SOX5: variants seen among roughly 807,000 people sequenced by gnomAD.
The protein encoded by SOX5 is SRY-box transcription factor 5, also known as transcription factor SOX-5.
Under a neutral mutation model 92.0 loss-of-function variants are expected in SOX5, and 9 were observed. That is an observed-to-expected ratio of 0.10 (90% CI 0.06 to 0.17). The LOEUF (loss-of-function observed/expected upper bound fraction) is 0.17, where lower values mean the gene tolerates loss of function less well. SOX5 is among the 10% of genes least tolerant of loss of function. The pLI is 1.00. For synonymous variants in SOX5, 344 were observed against 336.3 expected (o/e 1.02, Z -0.25); for missense variants, 642 against 944.5 (o/e 0.68, Z 4.20).
At chr12:24,493,659 T>G (rs1042010786) in intron 1 of SOX5, among the ~76,000 whole-genome samples, 2 of 151,958 alleles carry the variant, frequency 1.3e-5, no homozygotes, top group Non-Finnish European at 2.9e-5. Flanking sequence ...GGTCAGGAGA[T>G]CGAGACCATC....
At chr12:23,788,801 A>G (rs1662222432) in intron 3 of SOX5, among the ~76,000 whole-genome samples, 1 of 152,014 alleles carries the variant, frequency 6.6e-6, no homozygotes, top group South Asian at 2.1e-4. Flanking sequence ...TTTAATATAT[A>G]TCAATTAAGC....
rs192222893 is a variant in SOX5, at chr12:24,292,108, A to G, written c.-173-14796T>C. ...TAAGGACTGGAACTAAGGAGAAGAA[A>G]ACATGCTAACAGTGACTTGCACTTC... On this transcript the variant is annotated intron_variant, in intron 2 of 4. Coordinates refer to the SOX5 transcript ENST00000446891. 3.5e-3 allele frequency among the ~76,000 whole-genome samples: 533 copies of G among 152,338 alleles called. 5 individuals are homozygous for G. The highest frequency in any genetic ancestry group is 5.0e-3 in the Non-Finnish European group (340 of 68,024).
intron 4 of SOX5, among the ~76,000 whole-genome samples, chr12:23,961,073 G>A (rs1254447869): frequency 2.0e-5 from 3 of 152,008 alleles, no homozygotes; most frequent in Non-Finnish European, 4.4e-5. Context: ...TCTTCAAATT[G>A]AGATCTGCAG....
intron 11 of SOX5, among the ~76,000 whole-genome samples, chr12:23,560,071 G>C (rs910574290): frequency 1.3e-5 from 2 of 151,928 alleles, no homozygotes; most frequent in Non-Finnish European, 2.9e-5. Context: ...CACCACACCC[G>C]GGTAATTTTT....
chr12:24,478,128 C>T (rs1945592682), intron 1 of SOX5, among the ~76,000 whole-genome samples: 1 of 152,088 alleles, frequency 6.6e-6, no homozygotes, highest in African/African-American at 2.4e-5. Flanking sequence ...TGTTTTTGGC[C>T]ATATATTGAA....
intron 4 of SOX5, among the ~76,000 whole-genome samples, chr12:24,157,245 T>A (rs768740884): frequency 6.6e-6 from 1 of 152,100 alleles, no homozygotes; most frequent in Non-Finnish European, 1.5e-5. Context: ...TAAGTAAATA[T>A]AAATCCAAAA....
intron 2 of SOX5, among the ~76,000 whole-genome samples, chr12:24,365,231 C>T (rs75227732): frequency 6.6e-6 from 1 of 152,000 alleles, no homozygotes; most frequent in Non-Finnish European, 1.5e-5. Flanking sequence ...AATTCTTTCC[C>T]ATTTTTGAGT....
intron 1 of SOX5, among the ~76,000 whole-genome samples, chr12:24,483,074 A>T (rs934506052): frequency 7.2e-5 from 11 of 152,218 alleles, no homozygotes; most frequent in African/African-American, 2.7e-4. Flanking sequence ...AGTTACAATG[A>T]TACTTATTTC....
At chr12:24,040,955 T>G (rs1430769745) in intron 4 of SOX5, among the ~76,000 whole-genome samples, 6 of 152,108 alleles carry the variant, frequency 3.9e-5, no homozygotes, top group Non-Finnish European at 8.8e-5. Context: ...GGGAAAATGG[T>G]AGAATGCTTA....
Position 23,719,788 on chromosome 12 carries a change from C to CAAAAAAA in SOX5, c.810+14889_810+14895dup, listed in dbSNP as rs33914230. ...TTCAAAAAAAACCCCAGCTATTTAC[C>CAAAAAAA]AAAAAAAAAAAAAAAAAAAAAAACT... On this transcript the variant is annotated intron_variant, in intron 6 of 14. Transcript: ENST00000451604. 9.1e-3 allele frequency among the ~76,000 whole-genome samples: 583 copies of CAAAAAAA among 63,964 alleles called. 16 individuals are homozygous for CAAAAAAA. Among genetic ancestry groups the CAAAAAAA allele is most frequent in the Middle Eastern group, 0.028 (2 of 72 alleles). 42.0% of individuals were successfully genotyped at this position (63,964 alleles called of 152,430 possible). A position where few individuals can be genotyped will look rare whatever the true frequency, so the allele number is the denominator to read the frequency against.
At chr12:23,906,225 T>C (rs888725562) in intron 1 of SOX5, among the ~76,000 whole-genome samples, 1 of 152,244 alleles carries the variant, frequency 6.6e-6, no homozygotes, top group African/African-American at 2.4e-5. Context: ...GTTAAAAATG[T>C]CAAAGTCCTT....
At chr12:24,520,655 T>A (rs12322912) in intron 1 of SOX5, among the ~76,000 whole-genome samples, 7,540 of 152,142 alleles carry the variant, frequency 0.05, 630 homozygotes, top group African/African-American at 0.17. Context: ...AATAATTACC[T>A]TAAATGTAAA....
intron 3 of SOX5, among the ~76,000 whole-genome samples, chr12:23,835,059 ACTC>A (rs1303448246): frequency 2.0e-5 from 3 of 151,740 alleles, no homozygotes; most frequent in Admixed American, 1.3e-4. Context: ...TTTAAATCAG[ACTC>A]CTCAATTTAA....
chr12:23,808,809 G>A (rs944569514), intron 3 of SOX5, among the ~76,000 whole-genome samples: 2 of 152,014 alleles, frequency 1.3e-5, no homozygotes, highest in Admixed American at 6.5e-5. Context: ...AATGTCATAT[G>A]TTCTTACATA....
intron 6 of SOX5, among the ~76,000 whole-genome samples, chr12:23,722,615 G>A (rs2092881920): frequency 6.6e-6 from 1 of 152,148 alleles, no homozygotes; most frequent in Admixed American, 6.5e-5. Flanking sequence ...CTTTGAAGCT[G>A]TTTGCTTGCG....
At chr12:24,169,939 G>A (rs9804879) in intron 4 of SOX5, among the ~76,000 whole-genome samples, 66,957 of 152,012 alleles carry the variant, frequency 0.44, 15,389 homozygotes, top group Non-Finnish European at 0.51. Flanking sequence ...GAATGAATTC[G>A]TTAGGTGTAT....
At chr12:23,764,130 TTAA>T (rs2094640194) in intron 3 of SOX5, among the ~76,000 whole-genome samples, 1 of 151,970 alleles carries the variant, frequency 6.6e-6, no homozygotes, top group African/African-American at 2.4e-5. Context: ...CAAAAGCAAC[TTAA>T]TAAAATATTG....
rs1317187492 is a variant in SOX5, at chr12:23,529,577, A to C, written c.*4642T>G. 1 of 152,122 alleles carries C rather than the reference A, an allele frequency of 6.6e-6. No individual in the cohort carries two copies. Among genetic ancestry groups the C allele is most frequent in the Non-Finnish European group, 1.5e-5 (1 of 67,998 alleles). 9.4% of individuals were successfully genotyped at this position (152,122 alleles called of 1,614,324 possible). The stretch of plus-strand genomic sequence containing the variant: ...CTGAAAAAGGAGAATGCAAAAAAAT[A>C]AAATAAAATAAACAAAAAACAAAAA... On this transcript the variant is annotated 3_prime_UTR_variant, in exon 15 of 15. Coordinates refer to ENST00000451604, the MANE Select transcript of SOX5 (RefSeq NM_006940.6).
At chr12:24,020,813 T>C (rs1954199646) in intron 4 of SOX5, among the ~76,000 whole-genome samples, 2 of 152,198 alleles carry the variant, frequency 1.3e-5, no homozygotes, top group Admixed American at 1.3e-4. Flanking sequence ...CTCTTGTCAC[T>C]GGACCTGAGA....
Sources: allele counts gnomAD v4.1 joint callset (sites outside exome capture counted in the v4.1 genomes callset), GRCh38; gene constraint gnomAD v4.1.1; transcripts MANE v1.5; gene names NCBI Gene and HGNC (gene_info 2026-07-23, HGNC 2026-07-21).